ABCA4: variants seen among roughly 807,000 people sequenced by gnomAD.
ABCA4 encodes the protein retinal-specific phospholipid-transporting ATPase ABCA4.
ABCA4 carries 196 observed loss-of-function variants against 263.7 expected under a neutral mutation model. That is an observed-to-expected ratio of 0.74 (90% CI 0.66 to 0.84). The LOEUF (loss-of-function observed/expected upper bound fraction) is 0.84. ABCA4 is among the 40% of genes least tolerant of loss of function. The pLI is 0.00. For synonymous variants in ABCA4, 1,133 were observed against 1,094.2 expected, an observed-to-expected ratio of 1.04 and a Z score of -0.70; for missense variants, 2,792 against 2,855.1, an observed-to-expected ratio of 0.98 and a Z score of 0.50.
At chr1:94,013,889 A>G (rs891649682) in intron 38 of ABCA4, among the ~76,000 whole-genome samples, 1 of 152,244 alleles carries the variant, frequency 6.6e-6, no homozygotes, top group Admixed American at 6.5e-5. Context: ...CAGAGCACAC[A>G]GGAAACTCAA....
Position 94,041,240 on chromosome 1 carries a change from T to C in ABCA4, c.3491A>G (p.Lys1164Arg). Residue 1164 changes from lysine to arginine, a missense_variant, in exon 23 of 50, where the codon AAA (lysine) becomes AGA (arginine). Transcript: ENST00000370225. ...GCCTTTCCTTTGGCTCTGGATGTTT[T>C]TCATCTTGCGCACCAAGGTTAAGTA... The part of the protein sequence containing the change: ...GLYLTLVRKM[K>R]NIQSQRKGSE... 6 of 1,614,176 alleles carry C rather than the reference T, an allele frequency of 3.7e-6. No individual in the cohort carries two copies. The highest frequency in any genetic ancestry group is 5.1e-6 in the Non-Finnish European group (6 of 1,180,032).
At chr1:94,062,968 G>A in intron 12 of ABCA4, 144 bp downstream of exon 12, 1 of 1,057,892 alleles carries the variant, frequency 9.5e-7, no homozygotes, top group Non-Finnish European at 1.4e-6. Context: ...AGGACTCTTT[G>A]TTGAGCTTTA....
intron 24 of ABCA4, among the ~76,000 whole-genome samples, chr1:94,039,004 G>C (rs920102827): frequency 3.3e-5 from 5 of 152,174 alleles, no homozygotes; most frequent in African/African-American, 1.2e-4. Flanking sequence ...AGCCATGCAG[G>C]CCCTGTTTCC....
Position 94,041,356 on chromosome 1 carries a change from G to A in ABCA4, c.3375C>T (p.Leu1125=). 3.7e-6 allele frequency: 6 copies of A among 1,614,166 alleles called. No homozygotes were observed. The highest frequency in any genetic ancestry group is 5.1e-6 in the Non-Finnish European group (6 of 1,180,040). Reference sequence around the variant, plus strand: ...CAATGATGGCAATGCGGTCCCCAAGGAGGTCGGCCTCGTCCATGTGGTGAG... The same window carrying A: ...CAATGATGGCAATGCGGTCCCCAAGAAGGTCGGCCTCGTCCATGTGGTGAG... ...MSTHHMDEAD[L]LGDRIAIIAQ... Residue 1125 remains leucine, a synonymous_variant, in exon 23 of 50, where the codon CTC becomes CTT. Coordinates refer to ENST00000370225, the MANE Select transcript of ABCA4 (RefSeq NM_000350.3).
intron 11 of ABCA4, among the ~76,000 whole-genome samples, chr1:94,072,641 A>G: frequency 6.6e-6 from 1 of 152,240 alleles, no homozygotes; most frequent in East Asian, 1.9e-4. Flanking sequence ...AAATGAATAC[A>G]CATACCAGTT....
rs2101155799 is a variant in ABCA4 at position 94,108,621 on chromosome 1, G to A, written c.398C>T (p.Ser133Phe). ...GRIWTELHIL[S>F]QFMDTLRTHP... The stretch of plus-strand genomic sequence containing the variant: ...AGTCCGGAGGGTGTCCATGAATTGG[G>A]ACAAGATGTGTAGCTCTGTCCAAAT... Residue 133 changes from serine (S) to phenylalanine (F), a missense_variant, in exon 4 of 50, where the codon TCC (serine) becomes TTC (phenylalanine). By Grantham distance (155) the Ser-to-Phe change is radical. Coordinates refer to ENST00000370225, the MANE Select transcript of ABCA4 (RefSeq NM_000350.3). 27 of 1,613,834 alleles carry A rather than the reference G, an allele frequency of 1.7e-5. No homozygotes were observed. The highest frequency in any genetic ancestry group is 2.2e-5 in the Non-Finnish European group (26 of 1,180,018).
intron 49 of ABCA4, among the ~76,000 whole-genome samples, chr1:93,993,981 A>T (rs1011240690): frequency 6.6e-6 from 1 of 152,048 alleles, no homozygotes; most frequent in South Asian, 2.1e-4. Flanking sequence ...ACATCCTCTT[A>T]AGAGGATGAC....
In ABCA4 at chr1:94,005,625, G is replaced by C. The variant is rs781108553; in HGVS notation, c.6006-43C>G. ...ATTACTGAGTATCCTTCAAGGAGTGGAGGGATGACCATAGAGCTAGGGCTG... is the reference window on the plus strand; with the variant it reads ...ATTACTGAGTATCCTTCAAGGAGTGCAGGGATGACCATAGAGCTAGGGCTG... On this transcript the variant is annotated intron_variant, in intron 43 of 49. Coordinates refer to ENST00000370225, the MANE Select transcript of ABCA4 (RefSeq NM_000350.3). The C allele has an allele frequency of 5.0e-6, 8 of 1,599,988 alleles. No homozygotes were observed. The African/African-American group carries it at 1.1e-4, about 21-fold the overall frequency.
intron 22 of ABCA4, among the ~76,000 whole-genome samples, chr1:94,041,769 G>T (rs150244038): frequency 6.6e-6 from 1 of 152,092 alleles, no homozygotes; most frequent in East Asian, 1.9e-4. Flanking sequence ...GAACACACAC[G>T]TGCATACTCT....
intron 14 of ABCA4, among the ~76,000 whole-genome samples, chr1:94,058,667 T>C (rs1661044557): frequency 6.6e-6 from 1 of 152,224 alleles, no homozygotes; most frequent in Non-Finnish European, 1.5e-5. Context: ...CAGCCTGAAA[T>C]CAATTTCTTA....
intron 23 of ABCA4, 43 bp downstream of exon 23, chr1:94,041,166 C>A (rs771699285): frequency 1.2e-6 from 2 of 1,608,622 alleles, no homozygotes; most frequent in South Asian, 1.1e-5. Flanking sequence ...GCTGTGTGCT[C>A]CTTCTCACCC....
chr1:94,068,301 T>C (rs980211961), intron 11 of ABCA4, among the ~76,000 whole-genome samples: 65 of 152,136 alleles, frequency 4.3e-4, no homozygotes, highest in African/African-American at 1.3e-3. Context: ...AATGTCATCC[T>C]CCCCACATCT....
rs61784004 is a variant in ABCA4 at position 94,121,086 on chromosome 1, C to A, written c.-41G>T. 6.9e-6 allele frequency: 11 copies of A among 1,595,992 alleles called. No individual in the cohort carries two copies. ...AAGACCAGATTGGTCAGAGCTGAGG[C>A]CCCTCAGACAGCAAAGGACATAAAC... On this transcript the variant is annotated 5_prime_UTR_variant, in exon 1 of 50. Coordinates refer to ENST00000370225, the MANE Select transcript of ABCA4 (RefSeq NM_000350.3).
chr1:94,105,931 G>A (rs1263877091), intron 4 of ABCA4, among the ~76,000 whole-genome samples: 1 of 152,316 alleles, frequency 6.6e-6, no homozygotes, highest in East Asian at 1.9e-4. Flanking sequence ...TTCAAAGGTG[G>A]GCTCTTCTGC....
chr1:94,045,928 G>A (rs767799670), intron 19 of ABCA4: 8 of 456,136 alleles, frequency 1.8e-5, no homozygotes, highest in South Asian at 1.1e-4. Flanking sequence ...AGCAGATGGC[G>A]CTCGGGTCCC....
rs141085935 is a variant in ABCA4, at chr1:94,006,815, A to G, written c.6005+819T>C. Among the ~76,000 whole-genome samples the G allele has an allele frequency of 1.3e-3, 202 of 152,310 alleles. 1 individual carries two copies. Among genetic ancestry groups the G allele is most frequent in the African/African-American group, 4.7e-3 (194 of 41,570 alleles). On this transcript the variant is annotated intron_variant, in intron 43 of 49. Transcript: ENST00000370225. ...CCCCAGTCAAGCAGATGCTGGACAG[A>G]TGTCAGCAGCACCTAACTCCACTTA... is the stretch of plus-strand genomic sequence containing the variant.
chr1:94,083,537 C>G (rs1015273024), intron 6 of ABCA4, 96 bp from the exon 7 acceptor site: 2 of 840,528 alleles, frequency 2.4e-6, no homozygotes, highest in Non-Finnish European at 3.9e-6. Flanking sequence ...TTTGAAAACT[C>G]CCCCCCTCCT....
In ABCA4 at chr1:94,085,314, A is replaced by G. The variant is rs368855873; in HGVS notation, c.769-1873T>C. Among the ~76,000 whole-genome samples, 3 of 152,350 alleles carry G rather than the reference A, an allele frequency of 2.0e-5. No individual in the cohort carries two copies. The East Asian group carries it at 5.8e-4, about 29-fold the overall frequency. On this transcript the variant is annotated intron_variant, in intron 6 of 49. Transcript: ENST00000370225. ...ATAGTTGAAGCTGGGTGATAGATCC[A>G]TGGGAGCTCATTTTATTATTCACTC...
In ABCA4 at chr1:94,008,316, C is replaced by T; in HGVS notation, c.5836-19G>A. The T allele has an allele frequency of 6.2e-6, 10 of 1,612,886 alleles. No individual in the cohort carries two copies. The highest frequency in any genetic ancestry group is 8.5e-6 in the Non-Finnish European group (10 of 1,178,934). On this transcript the variant is annotated intron_variant, in intron 41 of 49. Transcript: ENST00000370225. ...GATAAATCTGCAAGATACGAAGAAA[C>T]CGGACTGAGAACTGAGACAGGGTGA...
Sources: allele counts gnomAD v4.1 joint callset (sites outside exome capture counted in the v4.1 genomes callset), GRCh38; gene constraint gnomAD v4.1.1; transcripts MANE v1.5; gene names NCBI Gene and HGNC (gene_info 2026-07-23, HGNC 2026-07-21).